The following OR6N2 variants were observed in gnomAD, a reference collection of about 807,000 sequenced individuals.
OR6N2 encodes olfactory receptor family 6 subfamily N member 2, also known as olfactory receptor 6N2.
For missense variants in OR6N2, 399 were observed against 379.7 expected (o/e 1.05, Z -0.42); for synonymous variants, 160 against 138.3 (o/e 1.16, Z -1.10).
rs1307658074 is a variant in OR6N2 at position 158,777,427 on chromosome 1, T to C, written c.209A>G (p.Glu70Gly). The C allele has an allele frequency of 1.9e-6, 3 of 1,614,056 alleles. No individual in the cohort carries two copies. The highest frequency in any genetic ancestry group is 2.5e-6 in the Non-Finnish European group (3 of 1,179,940). Residue 70 changes from glutamate to glycine, a missense_variant, in exon 2 of 2, where the codon GAG becomes GGG. By Grantham distance (98) the Glu-to-Gly change is moderately conservative (BLOSUM62 -2). Coordinates refer to ENST00000641131, the MANE Select transcript of OR6N2 (RefSeq NM_001005278.2). Reference protein sequence around the residue: ...YHFVSVLSFLELWYTATTIPK... With the variant: ...YHFVSVLSFLGLWYTATTIPK... ...GATAGTGGTAGCTGTATACCACAAC[T>C]CCAAGAAGGAAAGAACACTGACAAA...
At chr1:158,779,768 G>A (rs1398429098) in intron 1 of OR6N2, among the ~76,000 whole-genome samples, 1 of 152,122 alleles carries the variant, frequency 6.6e-6, no homozygotes. Context: ...CCTTCAAAAT[G>A]AGATCAAATC....
At position 158,777,248 on chromosome 1, in the gene OR6N2, G is replaced by GCC; in HGVS notation, c.387_388insGG (p.Leu130GlyfsTer6). ...GTGGTCATAATTATAGGGTAGTGGA[G>GCC]GGGCCGACAAATGGCCAGGTATCTA... On this transcript the variant is annotated frameshift_variant, in exon 2 of 2. Coordinates refer to ENST00000641131, the MANE Select transcript of OR6N2 (RefSeq NM_001005278.2). LOFTEE classifies it low-confidence loss of function (END_TRUNC). 6.2e-7 allele frequency: 1 copy of GCC among 1,614,132 alleles called. No homozygotes were observed. The highest frequency in any genetic ancestry group is 8.5e-7 in the Non-Finnish European group (1 of 1,180,030).
intron 1 of OR6N2, among the ~76,000 whole-genome samples, chr1:158,780,749 G>A (rs1186462433): frequency 6.6e-6 from 1 of 152,162 alleles, no homozygotes; most frequent in African/African-American, 2.4e-5. Flanking sequence ...GTTCATTGGG[G>A]ACTGTCTATA....
In OR6N2 at chr1:158,775,228, G is replaced by A. The variant is rs1311726651; in HGVS notation, c.*1454C>T. ...ATGAGTGACATAAATTAGACTGAGT[G>A]TTCAGAAGTCCTCTCAAAGCTAGCA... is the stretch of plus-strand genomic sequence containing the variant. On this transcript the variant is annotated 3_prime_UTR_variant, in exon 2 of 2. Transcript: ENST00000641131. 2 of 152,160 alleles carry A rather than the reference G, an allele frequency of 1.3e-5. No individual in the cohort carries two copies. Among genetic ancestry groups the A allele is most frequent in the African/African-American group, 4.8e-5 (2 of 41,428 alleles). 9.4% of individuals were successfully genotyped at this position (152,160 alleles called of 1,614,324 possible).
Position 158,775,719 on chromosome 1 carries a change from A to G in OR6N2, c.*963T>C, listed in dbSNP as rs932427116. The G allele has an allele frequency of 1.3e-5, 2 of 152,070 alleles. No individual in the cohort carries two copies. Among genetic ancestry groups the G allele is most frequent in the African/African-American group, 4.8e-5 (2 of 41,416 alleles). 9.4% of individuals were successfully genotyped at this position (152,070 alleles called of 1,614,324 possible). A position where few individuals can be genotyped will look rare whatever the true frequency, so the allele number is the denominator to read the frequency against. On this transcript the variant is annotated 3_prime_UTR_variant, in exon 2 of 2. Transcript: ENST00000641131. ...AAACACTAAAGAGTATAAGAAATAA[A>G]TTGATTTAAGAATATATTTTGTGAA... is the stretch of plus-strand genomic sequence containing the variant.
At chr1:158,778,114 T>A (rs1657657002) in intron 1 of OR6N2, among the ~76,000 whole-genome samples, 1 of 152,224 alleles carries the variant, frequency 6.6e-6, no homozygotes, top group Non-Finnish European at 1.5e-5. Flanking sequence ...ATTTTGGGTA[T>A]GAGATTAATG....
At position 158,775,725 on chromosome 1, in the gene OR6N2, T is replaced by A. The variant is rs1558035077; in HGVS notation, c.*957A>T. On this transcript the variant is annotated 3_prime_UTR_variant, in exon 2 of 2. Coordinates refer to ENST00000641131, the MANE Select transcript of OR6N2 (RefSeq NM_001005278.2). Reference sequence around the variant, plus strand: ...TAAAGAGTATAAGAAATAAATTGATTTAAGAATATATTTTGTGAAAAGATT... The same window carrying A: ...TAAAGAGTATAAGAAATAAATTGATATAAGAATATATTTTGTGAAAAGATT... 1 of 151,794 alleles carries A rather than the reference T, an allele frequency of 6.6e-6. No homozygotes were observed. Among genetic ancestry groups the A allele is most frequent in the African/African-American group, 2.4e-5 (1 of 41,338 alleles). 9.4% of individuals were successfully genotyped at this position (151,794 alleles called of 1,614,324 possible). A position where few individuals can be genotyped will look rare whatever the true frequency, so the allele number is the denominator to read the frequency against.
rs1571612227 is a variant in OR6N2 at position 158,777,777 on chromosome 1, T to C, written c.-6-136A>G. On this transcript the variant is annotated intron_variant, in intron 1 of 1. Transcript: ENST00000641131. ...CTACTGTTGCCCTCACTACTATTAC[T>C]ATTACTGTAAAAATATTAATAGCTA... 4 of 598,782 alleles carry C rather than the reference T, an allele frequency of 6.7e-6. No individual in the cohort carries two copies. The East Asian group carries it at 1.1e-4, about 17-fold the overall frequency. The allele number at this position is 598,782 out of a possible 1,614,324, so 37.1% of individuals were successfully genotyped here.
chr1:158,777,679 G>GCAGTC, intron 1 of OR6N2, 38 bp from the exon 2 acceptor site: 6 of 1,284,396 alleles, frequency 4.7e-6, no homozygotes, highest in Non-Finnish European at 6.6e-6. Context: ...ATTGGATTGA[G>GCAGTC]ATGACTGCTG....
At chr1:158,780,561 T>C (rs1369469357) in intron 1 of OR6N2, among the ~76,000 whole-genome samples, 4 of 152,252 alleles carry the variant, frequency 2.6e-5, no homozygotes, top group African/African-American at 4.8e-5. Context: ...AAACATCATA[T>C]GTTAGCCTAG....
Position 158,777,153 on chromosome 1 carries a change from G to T in OR6N2, c.483C>A (p.Ile161=). Residue 161 remains isoleucine, a synonymous_variant, in exon 2 of 2, where the codon ATC becomes ATA. Coordinates refer to ENST00000641131, the MANE Select transcript of OR6N2 (RefSeq NM_001005278.2). ...CACAAAATGGGAGCTGGGAGGCAAG[G>T]ATGACCTCAGAAATGGGACACAGGA... The part of the protein sequence containing the change: ...CGFLCPISEV[I]LASQLPFCAY... 1 of 1,614,120 alleles carries T rather than the reference G, an allele frequency of 6.2e-7. No individual in the cohort carries two copies. The highest frequency in any genetic ancestry group is 8.5e-7 in the Non-Finnish European group (1 of 1,180,002).
intron 1 of OR6N2, among the ~76,000 whole-genome samples, chr1:158,778,253 T>C (rs1652291): frequency 0.18 from 26,615 of 152,052 alleles, 2,654 homozygotes; most frequent in South Asian, 0.48. Flanking sequence ...TACAACCCTG[T>C]AGAGAAGCAG....
Position 158,776,370 on chromosome 1 carries a change from G to A in OR6N2, c.*312C>T. On this transcript the variant is annotated 3_prime_UTR_variant, in exon 2 of 2. Transcript: ENST00000641131. ...AAGTAAAGAAGAGGAAATATGGTGT[G>A]TTGAGAAGTTTGATTGGAAAAAGGA... 4.7e-6 allele frequency: 1 copy of A among 213,516 alleles called. No homozygotes were observed. Among genetic ancestry groups the A allele is most frequent in the Non-Finnish European group, 9.2e-6 (1 of 108,802 alleles). The allele number at this position is 213,516 out of a possible 1,614,324, so 13.2% of individuals were successfully genotyped here.
rs771646181 is a variant in OR6N2, at chr1:158,776,767, T to C, written c.869A>G (p.Tyr290Cys). 4 of 1,613,974 alleles carry C rather than the reference T, an allele frequency of 2.5e-6. No homozygotes were observed. The Admixed American group carries it at 6.7e-5, about 27-fold the overall frequency. Residue 290 changes from tyrosine (Y) to cysteine (C), a missense_variant, in exon 2 of 2, where the codon TAC becomes TGC. Transcript: ENST00000641131. ...AATGATTTCCTTGTTACGAAGACTG[T>C]AGATAATTGGATTGACCATTGGTGT... ...VLTPMVNPII[Y>C]SLRNKEIIKA...
At chr1:158,779,888 T>C (rs1657706864) in intron 1 of OR6N2, among the ~76,000 whole-genome samples, 1 of 152,220 alleles carries the variant, frequency 6.6e-6, no homozygotes, top group African/African-American at 2.4e-5. Flanking sequence ...TTTTAACAAG[T>C]CTGTCTTCCC....
At chr1:158,780,514 A>G (rs957911831) in intron 1 of OR6N2, among the ~76,000 whole-genome samples, 19 of 152,228 alleles carry the variant, frequency 1.2e-4, no homozygotes, top group Admixed American at 7.8e-4. Context: ...TAAACCTATC[A>G]TAATGAAGAT....
intron 1 of OR6N2, among the ~76,000 whole-genome samples, chr1:158,779,447 T>C (rs1354690106): frequency 6.6e-6 from 1 of 152,234 alleles, no homozygotes; most frequent in Non-Finnish European, 1.5e-5. Context: ...TTTAAACAAT[T>C]CATTTAATAA....
chr1:158,779,839 T>C (rs1225673745), intron 1 of OR6N2, among the ~76,000 whole-genome samples: 1 of 152,248 alleles, frequency 6.6e-6, no homozygotes, highest in African/African-American at 2.4e-5. Flanking sequence ...ATTCATTTTC[T>C]ATGCCCTCAT....
chr1:158,777,271 CT>C lies in OR6N2; in HGVS notation c.364del (p.Arg122AspfsTer13), dbSNP rs1657626061. 1 of 1,614,042 alleles carries C rather than the reference CT, an allele frequency of 6.2e-7. No individual in the cohort carries two copies. The highest frequency in any genetic ancestry group is 8.5e-7 in the Non-Finnish European group (1 of 1,179,948). On this transcript the variant is annotated frameshift_variant, in exon 2 of 2. Transcript: ENST00000641131. LOFTEE classifies it low-confidence loss of function (END_TRUNC). ...GAGGGGCCGACAAATGGCCAGGTATCTATCATAGGCCATGGCTGTAAGAAGG... is the reference window on the plus strand; with the variant it reads ...GAGGGGCCGACAAATGGCCAGGTATCATCATAGGCCATGGCTGTAAGAAGG... ...CYLLTAMAYD[R>X]YLAICRPLHY... is the part of the protein sequence containing the mutation.
Sources: allele counts gnomAD v4.1 joint callset (sites outside exome capture counted in the v4.1 genomes callset), GRCh38; gene constraint gnomAD v4.1.1; transcripts MANE v1.5; gene names NCBI Gene and HGNC (gene_info 2026-07-23, HGNC 2026-07-21).